The following ARHGAP42 variants were observed in gnomAD, a reference collection of about 807,000 sequenced individuals.
ARHGAP42 encodes rho GTPase-activating protein 42.
ARHGAP42 carries 63 observed loss-of-function variants against 125.0 expected under a neutral mutation model. The ratio of observed to expected loss-of-function variants is 0.50; its 90% CI spans 0.41 to 0.62. The LOEUF is 0.62. ARHGAP42 is among the 20% of genes least tolerant of loss of function. The pLI is 0.00. For synonymous variants in ARHGAP42, 339 were observed against 351.0 expected (o/e 0.97, Z 0.38); for missense variants, 766 against 1,024.2 (o/e 0.75, Z 3.44).
At chr11:100,851,384 A>C (rs1565241791) in intron 3 of ARHGAP42, among the ~76,000 whole-genome samples, 4 of 152,204 alleles carry the variant, frequency 2.6e-5, no homozygotes, top group Admixed American at 2.6e-4. Flanking sequence ...TATTGATCCC[A>C]TAAGATTATA....
At chr11:100,898,235 C>T (rs1158400234) in intron 4 of ARHGAP42, among the ~76,000 whole-genome samples, 1 of 152,152 alleles carries the variant, frequency 6.6e-6, no homozygotes, top group Non-Finnish European at 1.5e-5. Flanking sequence ...CTGCTGGATT[C>T]AGTTTGCCAG....
At chr11:100,799,139 T>A (rs1771131623) in intron 3 of ARHGAP42, among the ~76,000 whole-genome samples, 1 of 152,158 alleles carries the variant, frequency 6.6e-6, no homozygotes, top group South Asian at 2.1e-4. Context: ...TTCCCAGAAG[T>A]TTTTGGAGAG....
In ARHGAP42 at chr11:100,989,968, A is replaced by G. The variant is rs1858789071; in HGVS notation, c.*1167A>G. The G allele has an allele frequency of 6.6e-6, 1 of 152,172 alleles. No homozygotes were observed. The highest frequency in any genetic ancestry group is 2.1e-4 in the South Asian group (1 of 4,832). The allele number at this position is 152,172 out of a possible 1,614,324, so 9.4% of individuals were successfully genotyped here. On this transcript the variant is annotated 3_prime_UTR_variant, in exon 24 of 24. Transcript: ENST00000298815. ...TCTTCAGCAGAAATAAAATCTGTAC[A>G]TGATTTTCTTTTATGCCTTTTAGTT...
Position 100,877,153 on chromosome 11 carries a change from A to C in ARHGAP42, c.384+17528A>C, listed in dbSNP as rs1388899110. The stretch of plus-strand genomic sequence containing the variant: ...ATTCTTGTATTTTTAAAAATCTGTT[A>C]GAATTGGAGTATTAAATAGTATTTG... On this transcript the variant is annotated intron_variant, in intron 4 of 23. Transcript: ENST00000298815. Among the ~76,000 whole-genome samples the C allele has an allele frequency of 2.0e-5, 3 of 152,222 alleles. No homozygotes were observed. The South Asian group carries it at 6.2e-4, about 32-fold the overall frequency.
chr11:100,961,973 G>A (rs750912843), intron 15 of ARHGAP42, among the ~76,000 whole-genome samples: 1 of 152,168 alleles, frequency 6.6e-6, no homozygotes, highest in Non-Finnish European at 1.5e-5. Flanking sequence ...TAATTTAAAA[G>A]GCTATATAAT....
chr11:100,850,873 C>CTTTTTT (rs201814102), intron 3 of ARHGAP42, among the ~76,000 whole-genome samples: 1 of 94,510 alleles, frequency 1.1e-5, no homozygotes, highest in Non-Finnish European at 2.0e-5. Context: ...TAGTAGCTTT[C>CTTTTTT]TTTTTTTTTT....
intron 1 of ARHGAP42, among the ~76,000 whole-genome samples, chr11:100,761,866 C>A (rs1189605708): frequency 2.0e-5 from 3 of 152,166 alleles, no homozygotes; most frequent in Non-Finnish European, 4.4e-5. Context: ...CTGTGCTAAG[C>A]CAGTTTTATG....
intron 1 of ARHGAP42, among the ~76,000 whole-genome samples, chr11:100,691,242 T>C (rs2120166735): frequency 6.6e-6 from 1 of 152,346 alleles, no homozygotes; most frequent in South Asian, 2.1e-4. Context: ...CTGTATCCTT[T>C]TAACAGGTCT....
At chr11:100,766,926 A>G (rs1862842903) in intron 1 of ARHGAP42, among the ~76,000 whole-genome samples, 1 of 152,142 alleles carries the variant, frequency 6.6e-6, no homozygotes, top group African/African-American at 2.4e-5. Context: ...ATGCTTCCAG[A>G]AGGACTGTGA....
intron 4 of ARHGAP42, among the ~76,000 whole-genome samples, chr11:100,909,701 A>G (rs1366286258): frequency 6.6e-6 from 1 of 152,078 alleles, no homozygotes; most frequent in Non-Finnish European, 1.5e-5. Flanking sequence ...TAATTTTTGT[A>G]TATGGTGAGA....
chr11:100,762,825 C>T (rs928379070), intron 1 of ARHGAP42, among the ~76,000 whole-genome samples: 8 of 152,122 alleles, frequency 5.3e-5, no homozygotes, highest in Admixed American at 3.3e-4. Flanking sequence ...AAAAGCAAGG[C>T]GTAGTTGATG....
chr11:100,905,893 G>A (rs774889136), intron 4 of ARHGAP42, among the ~76,000 whole-genome samples: 4 of 152,194 alleles, frequency 2.6e-5, no homozygotes, highest in African/African-American at 4.8e-5. Context: ...CACGGGAATC[G>A]TTTGACTTCG....
At chr11:100,987,905 G>A (rs1227334661) in intron 23 of ARHGAP42, among the ~76,000 whole-genome samples, 2 of 152,096 alleles carry the variant, frequency 1.3e-5, no homozygotes, top group African/African-American at 2.4e-5. Flanking sequence ...CAAGGCGGGC[G>A]GATCATGAGG....
At chr11:100,787,048 C>T (rs897531827) in intron 2 of ARHGAP42, among the ~76,000 whole-genome samples, 4 of 151,892 alleles carry the variant, frequency 2.6e-5, no homozygotes, top group South Asian at 2.1e-4. Context: ...GAGGCCGAGG[C>T]GGGTGGATCA....
rs1310572509 is a variant in ARHGAP42 at position 100,941,827 on chromosome 11, T to C, written c.876T>C (p.Asp292=). 2.6e-6 allele frequency: 4 copies of C among 1,539,092 alleles called. No individual in the cohort carries two copies. In the South Asian group the frequency reaches 5.0e-5, roughly 19 times the overall value. The change falls in exon 9 of 24, where the codon GAT becomes GAC. Residue 292 remains aspartate (D), a synonymous_variant. Transcript: ENST00000298815. ...FTWIKHYCTY[D]KGSKTFTMSV... is the part of the protein sequence containing the mutation. ...GGATTAAACATTATTGTACATATGATAAGGGAAGTAAAACATTTACAATGA... is the reference window on the plus strand; with the variant it reads ...GGATTAAACATTATTGTACATATGACAAGGGAAGTAAAACATTTACAATGA...
chr11:100,852,910 T>G (rs1287731325), intron 3 of ARHGAP42, among the ~76,000 whole-genome samples: 2 of 152,138 alleles, frequency 1.3e-5, no homozygotes, highest in Non-Finnish European at 2.9e-5. Flanking sequence ...ACCTTACCAG[T>G]ATCCCCGAAG....
At chr11:100,826,022 A>G (rs1824845155) in intron 3 of ARHGAP42, among the ~76,000 whole-genome samples, 1 of 152,054 alleles carries the variant, frequency 6.6e-6, no homozygotes, top group Non-Finnish European at 1.5e-5. Context: ...CCTGAGTCCA[A>G]GTGGGTAGAC....
intron 1 of ARHGAP42, among the ~76,000 whole-genome samples, chr11:100,734,715 G>A (rs1862028825): frequency 1.3e-5 from 2 of 152,176 alleles, no homozygotes; most frequent in African/African-American, 4.8e-5. Context: ...ATGTCAACCT[G>A]TTGGAAGAAC....
chr11:100,850,320 G>C (rs1449972900), intron 3 of ARHGAP42, among the ~76,000 whole-genome samples: 2 of 152,180 alleles, frequency 1.3e-5, no homozygotes, highest in African/African-American at 4.8e-5. Flanking sequence ...ATCTATACAG[G>C]ATATCACTGT....
Sources: gnomAD v4.1 joint callset for allele counts (sites outside exome capture counted in the v4.1 genomes callset) on GRCh38, gnomAD v4.1.1 for gene constraint, MANE v1.5 for transcripts, NCBI Gene and HGNC (gene_info 2026-07-23, HGNC 2026-07-21) for gene names.